The following GNE variants were observed in gnomAD, a reference collection of about 807,000 sequenced individuals.
The protein encoded by GNE is bifunctional UDP-N-acetylglucosamine 2-epimerase/N-acetylmannosamine kinase.
In GNE, 41 loss-of-function variants were observed where a neutral mutation model predicts 61.8. The observed-to-expected ratio is 0.66, with a 90% CI of 0.52 to 0.86. The LOEUF (loss-of-function observed/expected upper bound fraction) is 0.86. Among genes scored for constraint, GNE ranks in the 40% least tolerant of loss-of-function variants. The probability of loss-of-function intolerance (pLI) is 0.00; values close to 1 mark genes in which losing one functional copy is unlikely to be tolerated. For synonymous variants in GNE, 264 were observed against 326.4 expected (o/e 0.81, Z 2.06); for missense variants, 608 against 909.1 (o/e 0.67, Z 4.26).
In GNE at chr9:36,273,925, G is replaced by A. The variant is rs532090265; in HGVS notation, c.51+2969C>T. ...GCTGGGATTACAGGTGTGAGCCATC[G>A]CGTCCGGCCAATTTGGAACTCTTTA... On this transcript the variant is annotated intron_variant, in intron 1 of 11. Coordinates refer to the GNE transcript ENST00000396594. 3.4e-4 allele frequency among the ~76,000 whole-genome samples: 52 copies of A among 152,024 alleles called. No homozygotes were observed. In the South Asian group the frequency reaches 8.3e-3, roughly 24 times the overall value.
rs1828427749 is a variant in GNE at position 36,218,371 on chromosome 9, G to A, written c.1817-72C>T. 2.1e-5 allele frequency: 22 copies of A among 1,049,096 alleles called. No homozygotes were observed. In the South Asian group the frequency reaches 2.8e-4, roughly 13 times the overall value. The allele number at this position is 1,049,096 out of a possible 1,614,324, so 65.0% of individuals were successfully genotyped here. On this transcript the variant is annotated intron_variant, in intron 10 of 11. Transcript: ENST00000642385. This position sits in a 1 kb window ranked among gnomAD's most constrained non-coding sequence, Gnocchi z 4.1. ...GGCCAAGCTCACCACTGGGCCTGTGGAAAGCAAGCCCCTACATGGGAAGAC... is the reference window on the plus strand; with the variant it reads ...GGCCAAGCTCACCACTGGGCCTGTGAAAAGCAAGCCCCTACATGGGAAGAC...
chr9:36,270,951 G>A (rs1313549472), intron 1 of GNE, among the ~76,000 whole-genome samples: 2 of 152,104 alleles, frequency 1.3e-5, no homozygotes, highest in African/African-American at 4.8e-5. Context: ...TGTCCTTCCT[G>A]CCTGCATTCC....
At chr9:36,276,974 G>C (rs777162925) in exon 1 of GNE, 1 of 1,612,892 alleles carries the variant, frequency 6.2e-7, no homozygotes, top group South Asian at 1.1e-5. Flanking sequence ...ACCCTAGTGT[G>C]GTTTGAAATA....
At chr9:36,219,772 G>T in intron 10 of GNE, 66 bp downstream of exon 10, 1 of 1,412,844 alleles carries the variant, frequency 7.1e-7, no homozygotes, top group Non-Finnish European at 1.0e-6. Context: ...GCTGTCTTTG[G>T]AATTTCCACT....
intron 1 of GNE, among the ~76,000 whole-genome samples, chr9:36,249,746 T>C (rs1830043331): frequency 6.6e-6 from 1 of 151,776 alleles, no homozygotes; most frequent in African/African-American, 2.4e-5. Context: ...TAGCTGGGCG[T>C]GGTGGCGGGT....
At chr9:36,265,327 T>G in intron 1 of GNE, 1 of 447,858 alleles carries the variant, frequency 2.2e-6, no homozygotes, top group Admixed American at 2.4e-5. Context: ...ACGAGAGGCT[T>G]GCTGCCATCT....
At chr9:36,224,051 C>T (rs1375526764) in intron 7 of GNE, among the ~76,000 whole-genome samples, 4 of 152,020 alleles carry the variant, frequency 2.6e-5, no homozygotes, top group South Asian at 4.2e-4. Flanking sequence ...TGCCCCCGGC[C>T]GGGCCCCTTT....
chr9:36,265,068 A>G (rs901008970), intron 1 of GNE: 1 of 300,302 alleles, frequency 3.3e-6, no homozygotes, highest in Non-Finnish European at 6.4e-6. Context: ...ACCCCTCCGG[A>G]TCTGGCAGGG....
At chr9:36,254,547 T>C (rs1830251050) in intron 1 of GNE, among the ~76,000 whole-genome samples, 1 of 152,034 alleles carries the variant, frequency 6.6e-6, no homozygotes, top group African/African-American at 2.4e-5. Flanking sequence ...AAATTAAAAT[T>C]TAAATCCAGC....
chr9:36,218,111 T>G lies in GNE; in HGVS notation c.1933+72A>C, dbSNP rs1237557541. 1.0e-6 allele frequency: 1 copy of G among 1,003,368 alleles called. No homozygotes were observed. The highest frequency in any genetic ancestry group is 2.4e-5 in the East Asian group (1 of 42,202). 62.2% of individuals were successfully genotyped at this position (1,003,368 alleles called of 1,614,324 possible). On this transcript the variant is annotated intron_variant, in intron 11 of 11. Transcript: ENST00000642385. The surrounding 1 kb of genome is among the most constrained non-coding windows in gnomAD (Gnocchi z 4.1). ...GTCCCTAGGGAAGCAGGGTCTCTTC[T>G]GGGGCCGGGCTGGGCCATATGATAT...
Position 36,233,993 on chromosome 9 carries a change from A to G in GNE, c.909T>C (p.Cys303=). The change falls in exon 5 of 12, where the codon TGT becomes TGC. Residue 303 remains cysteine, a synonymous_variant. Coordinates refer to ENST00000642385, the MANE Select transcript of GNE (RefSeq NM_005476.7). ...HAGCMIGNSS[C]GVREVGAFGT... ...CAAAAGCTCCAACTTCTCGAACCCC[A>G]CAGCTGCTGTTCCCAATCATACAGC... The G allele has an allele frequency of 4.3e-6, 7 of 1,614,182 alleles. No homozygotes were observed. The highest frequency in any genetic ancestry group is 5.1e-6 in the Non-Finnish European group (6 of 1,180,008).
intron 2 of GNE, among the ~76,000 whole-genome samples, chr9:36,247,122 T>A (rs574480171): frequency 4.3e-4 from 66 of 152,028 alleles, no homozygotes; most frequent in African/African-American, 1.5e-3. Flanking sequence ...AGTGGTGCGA[T>A]CTTGACTCAC....
chr9:36,246,728 G>C (rs1245703295), intron 2 of GNE, among the ~76,000 whole-genome samples: 1 of 145,420 alleles, frequency 6.9e-6, no homozygotes, highest in Non-Finnish European at 1.5e-5. Flanking sequence ...GAGTGCAGTA[G>C]CGCGATCTAG....
intron 6 of GNE, among the ~76,000 whole-genome samples, chr9:36,228,466 G>A (rs1352873711): frequency 2.0e-5 from 3 of 151,984 alleles, no homozygotes; most frequent in Non-Finnish European, 2.9e-5. Flanking sequence ...GGTTAAATAA[G>A]TGTAGCAAAA....
intron 1 of GNE, among the ~76,000 whole-genome samples, chr9:36,263,826 A>G (rs528305633): frequency 6.6e-6 from 1 of 152,362 alleles, no homozygotes; most frequent in African/African-American, 2.4e-5. Context: ...AGAGCTGCCT[A>G]TTCATGACCC....
chr9:36,227,941 G>T (rs1828961098), intron 6 of GNE, among the ~76,000 whole-genome samples: 1 of 148,718 alleles, frequency 6.7e-6, no homozygotes. Context: ...GTTGAGGCAG[G>T]AGAACTGCTT....
rs180999867 is a variant in GNE at position 36,265,587 on chromosome 9, C to T, written c.51+11307G>A. 7.4e-5 allele frequency: 30 copies of T among 407,294 alleles called. No homozygotes were observed. In the East Asian group the frequency reaches 2.1e-3, roughly 28 times the overall value. The allele number at this position is 407,294 out of a possible 1,614,324, so 25.2% of individuals were successfully genotyped here. A position where few individuals can be genotyped will look rare whatever the true frequency, so the allele number is the denominator to read the frequency against. ...CTTTCCCTAGCTGGTAAGTATCTCACCCCATACTGTATCTCAGCCACAACA... is the reference window on the plus strand; with the variant it reads ...CTTTCCCTAGCTGGTAAGTATCTCATCCCATACTGTATCTCAGCCACAACA... On this transcript the variant is annotated intron_variant, in intron 1 of 11. Coordinates refer to the GNE transcript ENST00000396594.
At chr9:36,241,892 TTGGAGGGCTGAGG>T (rs1829641914) in intron 3 of GNE, among the ~76,000 whole-genome samples, 1 of 152,028 alleles carries the variant, frequency 6.6e-6, no homozygotes, top group Non-Finnish European at 1.5e-5. Flanking sequence ...TCCCAGCAGT[TTGGAGGGCTGAGG>T]AGGGCGGATC....
intron 1 of GNE, among the ~76,000 whole-genome samples, chr9:36,253,999 T>G (rs1383828461): frequency 6.6e-6 from 1 of 151,824 alleles, no homozygotes; most frequent in East Asian, 1.9e-4. Flanking sequence ...ATTACACCAT[T>G]GCATTCCAGC....
Sources: gnomAD v4.1 joint callset for allele counts (sites outside exome capture counted in the v4.1 genomes callset) on GRCh38, gnomAD v4.1.1 for gene constraint, Gnocchi (gnomAD v3.1) non-coding constraint, MANE v1.5 for transcripts, NCBI Gene and HGNC (gene_info 2026-07-23, HGNC 2026-07-21) for gene names.